Variants in P3H2 observed in about 807,000 individuals in gnomAD.
P3H2 encodes leprecan-like 1.
P3H2 carries 80 observed loss-of-function variants against 87.0 expected under a neutral mutation model. The observed-to-expected ratio is 0.92, with a 90% CI of 0.77 to 1.11. P3H2 has a LOEUF of 1.11. P3H2 is among the 50% of genes least tolerant of loss of function. The pLI, the probability that P3H2 is intolerant of heterozygous loss-of-function variation, is 0.00. For missense variants in P3H2, 1,001 were observed against 923.9 expected (o/e 1.08, Z -1.08); for synonymous variants, 367 against 359.3 (o/e 1.02, Z -0.24).
chr3:189,972,968 G>A lies in P3H2; in HGVS notation c.1605C>T (p.Ser535=), dbSNP rs764291198. The A allele has an allele frequency of 6.3e-5, 102 of 1,613,448 alleles. No homozygotes were observed. The highest frequency in any genetic ancestry group is 1.7e-4 in the Admixed American group (10 of 59,948). ...ATTCTACAATCCTTCGAGCCTTTTC[G>A]CTGATGTCATAAAACAGACGAGCGC... ...LKSARLFYDI[S]EKARRIVESY... The change falls in exon 11 of 15, where the codon AGC becomes AGT. Residue 535 remains serine (S), a synonymous_variant. Coordinates refer to ENST00000319332, the MANE Select transcript of P3H2 (RefSeq NM_018192.4).
intron 1 of P3H2, among the ~76,000 whole-genome samples, chr3:190,061,076 A>C (rs1164515084): frequency 1.3e-5 from 2 of 152,124 alleles, no homozygotes; most frequent in Non-Finnish European, 2.9e-5. Flanking sequence ...TCTTCACTAA[A>C]GGGCTCTAGG....
intron 1 of P3H2, among the ~76,000 whole-genome samples, chr3:190,103,800 CTT>C (rs764762298): frequency 6.7e-6 from 1 of 148,900 alleles, no homozygotes; most frequent in Non-Finnish European, 1.5e-5. Context: ...TTTTCAGTAG[CTT>C]TTTTTTTTCA....
intron 1 of P3H2, among the ~76,000 whole-genome samples, chr3:190,035,688 A>G (rs1047946866): frequency 6.6e-5 from 10 of 152,190 alleles, no homozygotes; most frequent in Admixed American, 3.9e-4. Context: ...ACACTAAAGG[A>G]CAGCAGGATG....
At chr3:189,958,974 C>T (rs1722724551) in intron 14 of P3H2, among the ~76,000 whole-genome samples, 2 of 152,004 alleles carry the variant, frequency 1.3e-5, no homozygotes, top group Non-Finnish European at 2.9e-5. Flanking sequence ...CAGGAGTGAG[C>T]CACTGCACCC....
intron 1 of P3H2, among the ~76,000 whole-genome samples, chr3:190,029,494 CT>C (rs1462019867): frequency 1.3e-5 from 2 of 151,892 alleles, no homozygotes; most frequent in Non-Finnish European, 2.9e-5. Context: ...AAATTGGTGA[CT>C]TTCTTTTTTT....
chr3:190,004,786 T>A (rs1336836994), intron 1 of P3H2, among the ~76,000 whole-genome samples: 1 of 152,146 alleles, frequency 6.6e-6, no homozygotes, highest in Non-Finnish European at 1.5e-5. Flanking sequence ...AACACTTGAC[T>A]CATATTTTGC....
upstream of P3H2, chr3:190,121,057 C>T (rs371104396): frequency 8.6e-6 from 3 of 350,842 alleles, no homozygotes; most frequent in Non-Finnish European, 1.5e-5. Flanking sequence ...GCTAGCGCCG[C>T]TTGAGGCCGG....
chr3:189,983,250 TAAAC>T, intron 7 of P3H2, 110 bp from the exon 8 acceptor site: 1 of 807,358 alleles, frequency 1.2e-6, no homozygotes, highest in Non-Finnish European at 2.1e-6. Flanking sequence ...TATTTTATTG[TAAAC>T]AAGTTCACCT....
chr3:189,972,891 C>T lies in P3H2; in HGVS notation c.1682G>A (p.Cys561Tyr). 2 of 1,613,990 alleles carry T rather than the reference C, an allele frequency of 1.2e-6. No homozygotes were observed. The highest frequency in any genetic ancestry group is 2.2e-5 in the South Asian group (2 of 91,066). ...TLYFSYTHMV[C>Y]RTALSGQQDR... ...AATCTCACCAGACAGGGCTGTTCGGCAGACCATGTGTGTATAGGAAAAATA... is the reference window on the plus strand; with the variant it reads ...AATCTCACCAGACAGGGCTGTTCGGTAGACCATGTGTGTATAGGAAAAATA... Residue 561 changes from cysteine (C) to tyrosine (Y), a missense_variant, in exon 11 of 15, where the codon TGC becomes TAC. Physicochemically the swap from Cys to Tyr is radical, Grantham distance 194 (BLOSUM62 -2). Transcript: ENST00000319332.
intron 1 of P3H2, among the ~76,000 whole-genome samples, chr3:190,062,706 T>C (rs748615262): frequency 2.0e-5 from 3 of 152,154 alleles, no homozygotes; most frequent in Non-Finnish European, 4.4e-5. Context: ...GGCAAGTTAC[T>C]CAATCTCTCT....
chr3:189,989,498 T>C (rs1442455369), intron 3 of P3H2, among the ~76,000 whole-genome samples: 1 of 152,212 alleles, frequency 6.6e-6, no homozygotes, highest in Non-Finnish European at 1.5e-5. Flanking sequence ...ACCATGGGCA[T>C]GGAAAATTCA....
At chr3:190,005,833 A>G (rs1309772122) in intron 1 of P3H2, among the ~76,000 whole-genome samples, 1 of 152,194 alleles carries the variant, frequency 6.6e-6, no homozygotes, top group African/African-American at 2.4e-5. Flanking sequence ...CTCTGCAGGT[A>G]TGTCACCCAT....
At position 189,997,212 on chromosome 3, in the gene P3H2, G is replaced by C. The variant is rs905205906; in HGVS notation, c.481-1770C>G. Among the ~76,000 whole-genome samples the C allele has an allele frequency of 2.6e-5, 4 of 152,040 alleles. No homozygotes were observed. In the East Asian group the frequency reaches 7.7e-4, roughly 29 times the overall value. ...AATTTTTGTATTTTTAGTAGAGATG[G>C]GGTTTCACCATGTTGGCCAGGATGG... is the stretch of plus-strand genomic sequence containing the variant. On this transcript the variant is annotated intron_variant, in intron 1 of 14. Transcript: ENST00000319332.
intron 1 of P3H2, among the ~76,000 whole-genome samples, chr3:190,010,512 G>A (rs1302590596): frequency 6.6e-6 from 1 of 151,866 alleles, no homozygotes; most frequent in Non-Finnish European, 1.5e-5. Flanking sequence ...GAGAAGAGGA[G>A]ATTAGGACAC....
At chr3:190,077,365 C>T (rs1449177891) in intron 1 of P3H2, among the ~76,000 whole-genome samples, 1 of 152,224 alleles carries the variant, frequency 6.6e-6, no homozygotes, top group Non-Finnish European at 1.5e-5. Flanking sequence ...TGTCTAAAGT[C>T]AGACCTGGAA....
chr3:190,071,758 T>A (rs1726704392), intron 1 of P3H2, among the ~76,000 whole-genome samples: 1 of 152,162 alleles, frequency 6.6e-6, no homozygotes, highest in Admixed American at 6.5e-5. Flanking sequence ...AAATTAGTTC[T>A]GGTAAGTCTG....
intron 6 of P3H2, among the ~76,000 whole-genome samples, chr3:189,986,047 A>C (rs997605692): frequency 3.4e-4 from 52 of 152,340 alleles, no homozygotes; most frequent in African/African-American, 1.2e-3. Context: ...GGAAAAGCGG[A>C]GTGAAGTCAG....
intron 1 of P3H2, among the ~76,000 whole-genome samples, chr3:189,998,061 C>T (rs77988967): frequency 0.015 from 2,268 of 152,218 alleles, 56 homozygotes; most frequent in African/African-American, 0.051. Flanking sequence ...ATGTGTTCAG[C>T]AGTCACTAGA....
At chr3:190,003,046 T>A (rs945529971) in intron 1 of P3H2, among the ~76,000 whole-genome samples, 5 of 152,252 alleles carry the variant, frequency 3.3e-5, no homozygotes, top group African/African-American at 1.2e-4. Context: ...TATAAGTAAC[T>A]ATTTATCGTT....
Sources: allele counts gnomAD v4.1 joint callset (sites outside exome capture counted in the v4.1 genomes callset), GRCh38; gene constraint gnomAD v4.1.1; transcripts MANE v1.5; gene names NCBI Gene and HGNC (gene_info 2026-07-23, HGNC 2026-07-21).